DLC1: variants seen among roughly 807,000 people sequenced by gnomAD.
The protein encoded by DLC1 is DLC1 Rho GTPase activating protein.
DLC1 carries 54 observed loss-of-function variants against 140.3 expected under a neutral mutation model. That is an observed-to-expected ratio of 0.38 (90% CI 0.31 to 0.48). DLC1 has a LOEUF of 0.48. Ranked by LOEUF, DLC1 falls within the 20% of genes least tolerant of loss-of-function variation. The pLI, the probability that DLC1 is intolerant of heterozygous loss-of-function variation, is 0.96. For missense variants in DLC1, 2,536 were observed against 1,907.0 expected (o/e 1.33, Z -6.14); for synonymous variants, 986 against 728.1 (o/e 1.35, Z -5.70).
Position 13,083,635 on chromosome 8 carries a change from C to T in DLC1, c.*2176G>A, listed in dbSNP as rs929994032. The stretch of plus-strand genomic sequence containing the variant: ...TCACTGGTGACCCTGACTCTGCTTG[C>T]AAGCATCTTTCTGCTGTTGCACGTT... On this transcript the variant is annotated 3_prime_UTR_variant, in exon 18 of 18. Coordinates refer to ENST00000276297, the MANE Select transcript of DLC1 (RefSeq NM_182643.3). 2 of 152,634 alleles carry T rather than the reference C, an allele frequency of 1.3e-5. No individual in the cohort carries two copies. The highest frequency in any genetic ancestry group is 4.1e-4 in the South Asian group (2 of 4,830). 9.5% of individuals were successfully genotyped at this position (152,634 alleles called of 1,614,324 possible).
intron 1 of DLC1, among the ~76,000 whole-genome samples, chr8:13,575,330 C>T (rs1024903976): frequency 1.3e-5 from 2 of 151,760 alleles, no homozygotes; most frequent in South Asian, 2.1e-4. Flanking sequence ...TATTTACTTA[C>T]GTAATGAGGG....
intron 2 of DLC1, among the ~76,000 whole-genome samples, chr8:13,432,720 T>G (rs1259363190): frequency 6.6e-6 from 1 of 152,180 alleles, no homozygotes; most frequent in African/African-American, 2.4e-5. Context: ...AACTAGGAGA[T>G]GACTAGTGAC....
chr8:13,411,513 C>T (rs986671691), intron 2 of DLC1, among the ~76,000 whole-genome samples: 1 of 152,046 alleles, frequency 6.6e-6, no homozygotes, highest in African/African-American at 2.4e-5. Flanking sequence ...TGTACAACAC[C>T]AATAGTAGAC....
chr8:13,184,605 G>C (rs1217071875), intron 5 of DLC1, among the ~76,000 whole-genome samples: 2 of 152,146 alleles, frequency 1.3e-5, no homozygotes, highest in African/African-American at 4.8e-5. Context: ...GTAGTTGTGT[G>C]GTTTTGAGTT....
chr8:13,238,098 A>T (rs2117228184), intron 5 of DLC1, among the ~76,000 whole-genome samples: 1 of 152,310 alleles, frequency 6.6e-6, no homozygotes, highest in African/African-American at 2.4e-5. Context: ...TCCTAAATCC[A>T]GTTCCTCATG....
At chr8:13,230,925 T>A (rs1829020839) in intron 5 of DLC1, among the ~76,000 whole-genome samples, 1 of 152,050 alleles carries the variant, frequency 6.6e-6, no homozygotes, top group Non-Finnish European at 1.5e-5. Flanking sequence ...CGATGGGATT[T>A]TCAGGATTGC....
At chr8:13,218,641 A>G (rs1563173381) in intron 5 of DLC1, among the ~76,000 whole-genome samples, 1 of 151,494 alleles carries the variant, frequency 6.6e-6, no homozygotes, top group Non-Finnish European at 1.5e-5. Flanking sequence ...ATTGGTGAGG[A>G]GGTAGAGAAA....
intron 7 of DLC1, among the ~76,000 whole-genome samples, chr8:13,104,797 C>T (rs2128941557): frequency 6.6e-6 from 1 of 152,170 alleles, no homozygotes; most frequent in South Asian, 2.1e-4. Context: ...TAAAGATAGC[C>T]CAGAGCGCCT....
intron 4 of DLC1, among the ~76,000 whole-genome samples, chr8:13,359,140 C>G (rs139414254): frequency 6.6e-6 from 1 of 152,102 alleles, no homozygotes; most frequent in East Asian, 1.9e-4. Context: ...GGGGTTTCAC[C>G]GTGTTAGCCA....
At chr8:13,122,477 G>C (rs777080687) in intron 5 of DLC1, among the ~76,000 whole-genome samples, 9 of 151,332 alleles carry the variant, frequency 5.9e-5, no homozygotes, top group Non-Finnish European at 1.3e-4. Flanking sequence ...AGAGAGGTTG[G>C]TGTGAAGAAG....
chr8:13,373,447 C>G (rs1251469328), intron 4 of DLC1, among the ~76,000 whole-genome samples: 1 of 152,150 alleles, frequency 6.6e-6, no homozygotes, highest in East Asian at 1.9e-4. Context: ...CTGATGATCT[C>G]CTCATCTTGT....
intron 2 of DLC1, among the ~76,000 whole-genome samples, chr8:13,464,213 G>A (rs898094223): frequency 8.5e-5 from 13 of 152,124 alleles, no homozygotes; most frequent in African/African-American, 3.1e-4. Context: ...TAGATGTGTG[G>A]TGAAGAAGGC....
At chr8:13,088,731 C>G in intron 15 of DLC1, 27 bp from the exon 16 acceptor site, 1 of 1,609,316 alleles carries the variant, frequency 6.2e-7, no homozygotes, top group Non-Finnish European at 8.5e-7. Context: ...TTTTTCAGTG[C>G]CAAGGCAATC....
At chr8:13,492,429 T>C (rs1020904300) in intron 2 of DLC1, among the ~76,000 whole-genome samples, 9 of 151,314 alleles carry the variant, frequency 5.9e-5, no homozygotes, top group African/African-American at 2.2e-4. Context: ...TTTTTTTCTT[T>C]ACAAATGACC....
chr8:13,326,688 T>G (rs1833360705), intron 4 of DLC1, among the ~76,000 whole-genome samples: 1 of 152,196 alleles, frequency 6.6e-6, no homozygotes, highest in Admixed American at 6.5e-5. Flanking sequence ...TTCTCAAACT[T>G]CAGCGTGCAT....
intron 4 of DLC1, among the ~76,000 whole-genome samples, chr8:13,333,728 G>T (rs564307466): frequency 1.4e-4 from 22 of 152,212 alleles, no homozygotes; most frequent in African/African-American, 5.1e-4. Context: ...AAACTAAATG[G>T]GTTCCCTAAA....
chr8:13,099,503 G>A lies in DLC1; in HGVS notation c.2834C>T (p.Ser945Phe). 1 of 1,614,148 alleles carries A rather than the reference G, an allele frequency of 6.2e-7. No individual in the cohort carries two copies. The highest frequency in any genetic ancestry group is 8.5e-7 in the Non-Finnish European group (1 of 1,180,026). Residue 945 changes from serine to phenylalanine, a missense_variant, in exon 9 of 18, where the codon TCC (serine) becomes TTC (phenylalanine). Ser to Phe is a radical substitution (Grantham distance 155). Transcript: ENST00000276297. ...ATCCAGGTGTATCTGTTTTGGAGAGGACGGGCAGGGAGAGACCGAGTCCAG... is the reference window on the plus strand; with the variant it reads ...ATCCAGGTGTATCTGTTTTGGAGAGAACGGGCAGGGAGAGACCGAGTCCAG... ...SALDSVSPCPSSPKQIHLDVD... is the reference protein window; with the variant it reads ...SALDSVSPCPFSPKQIHLDVD...
At chr8:13,286,871 C>G (rs1290955985) in intron 5 of DLC1, among the ~76,000 whole-genome samples, 2 of 151,972 alleles carry the variant, frequency 1.3e-5, no homozygotes, top group Non-Finnish European at 2.9e-5. Flanking sequence ...GAGATGGAAC[C>G]TCATGATGTG....
intron 4 of DLC1, among the ~76,000 whole-genome samples, chr8:13,375,116 C>T (rs1213455580): frequency 1.3e-5 from 2 of 151,676 alleles, no homozygotes; most frequent in Admixed American, 1.3e-4. Flanking sequence ...CAAGCTCCGC[C>T]TCCCGGCTTC....
Sources: gnomAD v4.1 joint callset for allele counts (sites outside exome capture counted in the v4.1 genomes callset) on GRCh38, gnomAD v4.1.1 for gene constraint, MANE v1.5 for transcripts, NCBI Gene and HGNC (gene_info 2026-07-23, HGNC 2026-07-21) for gene names.